MS4A7: variants seen among roughly 807,000 people sequenced by gnomAD.
MS4A7 encodes the protein membrane spanning 4-domains A7.
Under a neutral mutation model 23.5 loss-of-function variants are expected in MS4A7, and 21 were observed. That is an observed-to-expected ratio of 0.89 (90% CI 0.63 to 1.29). The LOEUF (loss-of-function observed/expected upper bound fraction) is 1.29. MS4A7 is among the 50% of genes most tolerant of loss of function. The pLI, the probability that MS4A7 is intolerant of heterozygous loss-of-function variation, is 0.00. For synonymous variants in MS4A7, 111 were observed against 107.4 expected, an observed-to-expected ratio of 1.03 and a Z score of -0.21; for missense variants, 263 against 274.2, an observed-to-expected ratio of 0.96 and a Z score of 0.29.
chr11:60,387,385 A>C (rs781376757), intron 4 of MS4A7, among the ~76,000 whole-genome samples: 4 of 152,186 alleles, frequency 2.6e-5, no homozygotes, highest in Non-Finnish European at 5.9e-5. Context: ...AGTCCATGAT[A>C]TATTTTCAAA....
Position 60,389,428 on chromosome 11 carries a change from T to G in MS4A7, c.378T>G (p.Val126=), listed in dbSNP as rs759960956. 1 of 1,613,834 alleles carries G rather than the reference T, an allele frequency of 6.2e-7. No homozygotes were observed. The change falls in exon 5 of 7, where the codon GTT becomes GTG. Residue 126 remains valine, a synonymous_variant. Transcript: ENST00000300184. ...SSLTSNAVSS[V]TAGAGLFLLA... Reference sequence around the variant, plus strand: ...TGACCTCAAATGCAGTGAGTTCTGTTACTGCAGGAGCAGGCCTCTTCCTCC... The same window carrying G: ...TGACCTCAAATGCAGTGAGTTCTGTGACTGCAGGAGCAGGCCTCTTCCTCC...
chr11:60,390,841 C>A (rs534713383), intron 5 of MS4A7, among the ~76,000 whole-genome samples: 11 of 151,736 alleles, frequency 7.2e-5, no homozygotes, highest in South Asian at 6.3e-4. Context: ...ATTACCTGAA[C>A]AAAAGTAATG....
chr11:60,387,748 C>T (rs752668500), intron 4 of MS4A7, among the ~76,000 whole-genome samples: 2 of 152,312 alleles, frequency 1.3e-5, no homozygotes, highest in East Asian at 1.9e-4. Flanking sequence ...AGAATATGAC[C>T]TTTGGTCCCT....
At chr11:60,389,850 A>T in intron 5 of MS4A7, 1 of 476,602 alleles carries the variant, frequency 2.1e-6, no homozygotes, top group East Asian at 3.9e-5. Context: ...TCTTAATCAC[A>T]AACGTTCCAA....
chr11:60,378,668 G>A lies in MS4A7; in HGVS notation c.-14+4G>A, dbSNP rs1387450939. ...CAGGACCAGGCTGCGAGAACAGGTA[G>A]ACACCTTGGTTTAGATCATGACTTT... is the stretch of plus-strand genomic sequence containing the variant. On this transcript the variant is annotated splice_donor_region_variant and intron_variant, in intron 1 of 6. Coordinates refer to ENST00000300184, the MANE Select transcript of MS4A7 (RefSeq NM_021201.5). 6.6e-6 allele frequency: 1 copy of A among 152,244 alleles called. No individual in the cohort carries two copies. Among genetic ancestry groups the A allele is most frequent in the Admixed American group, 6.5e-5 (1 of 15,284 alleles). 9.4% of individuals were successfully genotyped at this position (152,244 alleles called of 1,614,324 possible). A position where few individuals can be genotyped will look rare whatever the true frequency, so the allele number is the denominator to read the frequency against.
At position 60,395,518 on chromosome 11, in the gene MS4A7, A is replaced by G. The variant is rs2085607051; in HGVS notation, c.*1657A>G. 1 of 152,166 alleles carries G rather than the reference A, an allele frequency of 6.6e-6. No individual in the cohort carries two copies. Among genetic ancestry groups the G allele is most frequent in the Non-Finnish European group, 1.5e-5 (1 of 68,034 alleles). The allele number at this position is 152,166 out of a possible 1,614,324, so 9.4% of individuals were successfully genotyped here. On this transcript the variant is annotated 3_prime_UTR_variant, in exon 7 of 7. Coordinates refer to ENST00000300184, the MANE Select transcript of MS4A7 (RefSeq NM_021201.5). The stretch of plus-strand genomic sequence containing the variant: ...TTACCTTCATGATCTCATAGTTAAA[A>G]TTGTAATAAATTTAGGAATATAAAG...
chr11:60,381,171 C>T (rs770961338), intron 1 of MS4A7, among the ~76,000 whole-genome samples: 5 of 152,210 alleles, frequency 3.3e-5, no homozygotes, highest in Non-Finnish European at 7.3e-5. Context: ...TAGAATTTCT[C>T]TAAGCCTGAC....
intron 5 of MS4A7, 184 bp downstream of exon 5, chr11:60,389,780 T>C (rs571311951): frequency 5.4e-5 from 32 of 595,498 alleles, no homozygotes; most frequent in South Asian, 5.0e-4. Flanking sequence ...GGATGTACTA[T>C]AGAAAGTCAA....
At chr11:60,379,594 G>A (rs1009599409) in intron 1 of MS4A7, among the ~76,000 whole-genome samples, 1 of 106,634 alleles carries the variant, frequency 9.4e-6, no homozygotes, top group Non-Finnish European at 2.1e-5. Flanking sequence ...GCTAGAGTGC[G>A]TGATCTCGGC....
chr11:60,389,569 T>C lies in MS4A7; in HGVS notation c.519T>C (p.Asp173=). ...ATTATCCAATATATGAAATCAAAGA[T>C]TGTCTCCTGACCAGTGTCAGTTTAA... ...EYYYPIYEIK[D]CLLTSVSLTG... The change falls in exon 5 of 7, where the codon GAT becomes GAC. Residue 173 remains aspartate (D), a synonymous_variant. Transcript: ENST00000300184. 6.2e-7 allele frequency: 1 copy of C among 1,613,940 alleles called. No individual in the cohort carries two copies. Among genetic ancestry groups the C allele is most frequent in the Non-Finnish European group, 8.5e-7 (1 of 1,179,876 alleles).
At chr11:60,380,674 T>C (rs2085419296) in intron 1 of MS4A7, among the ~76,000 whole-genome samples, 1 of 152,224 alleles carries the variant, frequency 6.6e-6, no homozygotes, top group Non-Finnish European at 1.5e-5. Context: ...CTAGTTGGTA[T>C]ATTTGGGCTA....
chr11:60,381,199 G>A (rs1473650056), intron 1 of MS4A7, among the ~76,000 whole-genome samples: 1 of 152,112 alleles, frequency 6.6e-6, no homozygotes, highest in Non-Finnish European at 1.5e-5. Flanking sequence ...CTCCTTCTCT[G>A]GCTTTAAAGA....
chr11:60,380,881 C>A (rs2085421875), intron 1 of MS4A7, among the ~76,000 whole-genome samples: 1 of 152,162 alleles, frequency 6.6e-6, no homozygotes, highest in African/African-American at 2.4e-5. Context: ...GCTAGCCGGG[C>A]AAGAACAAAC....
intron 1 of MS4A7, among the ~76,000 whole-genome samples, chr11:60,382,373 A>G (rs1014696383): frequency 1.3e-5 from 2 of 152,242 alleles, no homozygotes; most frequent in African/African-American, 4.8e-5. Context: ...TATTGAACAC[A>G]TTCTAAGTGC....
At chr11:60,381,586 A>C (rs937403721) in intron 1 of MS4A7, among the ~76,000 whole-genome samples, 2 of 152,196 alleles carry the variant, frequency 1.3e-5, no homozygotes, top group Non-Finnish European at 2.9e-5. Context: ...CAGATAAGGA[A>C]ACTGGGGATG....
chr11:60,395,076 G>GTA lies in MS4A7; in HGVS notation c.*1217_*1218dup. ...GAATAATGTCTATTTCTTTGTTTGG[G>GTA]TATTAGCTCTATTTTGATCTATAGC... On this transcript the variant is annotated 3_prime_UTR_variant, in exon 7 of 7. Transcript: ENST00000300184. 2.0e-6 allele frequency: 1 copy of GTA among 506,646 alleles called. No individual in the cohort carries two copies. The highest frequency in any genetic ancestry group is 1.9e-5 in the African/African-American group (1 of 52,096). 31.4% of individuals were successfully genotyped at this position (506,646 alleles called of 1,614,324 possible).
At position 60,389,572 on chromosome 11, in the gene MS4A7, T is replaced by C. The variant is rs761728012; in HGVS notation, c.522T>C (p.Cys174=). The change falls in exon 5 of 7, where the codon TGT becomes TGC. Residue 174 remains cysteine, a synonymous_variant. Coordinates refer to ENST00000300184, the MANE Select transcript of MS4A7 (RefSeq NM_021201.5). Reference sequence around the variant, plus strand: ...ATCCAATATATGAAATCAAAGATTGTCTCCTGACCAGTGTCAGTTTAACAG... The same window carrying C: ...ATCCAATATATGAAATCAAAGATTGCCTCCTGACCAGTGTCAGTTTAACAG... ...YYYPIYEIKD[C]LLTSVSLTGV... 3 of 1,613,790 alleles carry C rather than the reference T, an allele frequency of 1.9e-6. No homozygotes were observed. Among genetic ancestry groups the C allele is most frequent in the Non-Finnish European group, 2.5e-6 (3 of 1,179,846 alleles).
At chr11:60,379,289 C>T (rs2135088554) in intron 1 of MS4A7, among the ~76,000 whole-genome samples, 1 of 152,296 alleles carries the variant, frequency 6.6e-6, no homozygotes, top group South Asian at 2.1e-4. Context: ...CACTTCCATA[C>T]ATCACTGTGA....
rs973354296 is a variant in MS4A7, at chr11:60,395,424, T to A, written c.*1563T>A. The stretch of plus-strand genomic sequence containing the variant: ...TCATTTTGAGATACCCTGCTATCGA[T>A]GGTCGCTACAAACCAGGAAATACTC... On this transcript the variant is annotated 3_prime_UTR_variant, in exon 7 of 7. Coordinates refer to ENST00000300184, the MANE Select transcript of MS4A7 (RefSeq NM_021201.5). The A allele has an allele frequency of 3.3e-5, 5 of 152,540 alleles. No individual in the cohort carries two copies. The highest frequency in any genetic ancestry group is 1.2e-4 in the African/African-American group (5 of 41,478). The allele number at this position is 152,540 out of a possible 1,614,324, so 9.4% of individuals were successfully genotyped here.
Sources: gnomAD v4.1 joint callset for allele counts (sites outside exome capture counted in the v4.1 genomes callset) on GRCh38, gnomAD v4.1.1 for gene constraint, MANE v1.5 for transcripts, NCBI Gene and HGNC (gene_info 2026-07-23, HGNC 2026-07-21) for gene names.